The following LUZP2 variants were observed in gnomAD, a reference collection of about 807,000 sequenced individuals.
LUZP2 encodes the protein leucine zipper protein 2.
A neutral mutation model predicts 51.6 loss-of-function variants in LUZP2; 52 were observed. That is an observed-to-expected ratio of 1.01 (90% CI 0.81 to 1.27). LUZP2 has a LOEUF of 1.27. Among genes scored for constraint, LUZP2 ranks in the 50% most tolerant of loss-of-function variants. The probability of loss-of-function intolerance (pLI) is 0.00; values close to 1 mark genes in which losing one functional copy is unlikely to be tolerated. For missense variants in LUZP2, 436 were observed against 395.4 expected, an observed-to-expected ratio of 1.10 and a Z score of -0.87; for synonymous variants, 154 against 137.3, an observed-to-expected ratio of 1.12 and a Z score of -0.85.
At chr11:24,849,234 A>T (rs1226701763) in intron 5 of LUZP2, among the ~76,000 whole-genome samples, 1 of 152,006 alleles carries the variant, frequency 6.6e-6, no homozygotes, top group African/African-American at 2.4e-5. Flanking sequence ...GCACCCATCA[A>T]CCTGTCAAAT....
At chr11:25,061,013 G>A (rs927312030) in intron 10 of LUZP2, among the ~76,000 whole-genome samples, 1 of 152,102 alleles carries the variant, frequency 6.6e-6, no homozygotes, top group East Asian at 1.9e-4. Context: ...TTCATTGTTA[G>A]TGGTGTCTAA....
At chr11:24,781,093 T>G (rs893411443) in intron 5 of LUZP2, among the ~76,000 whole-genome samples, 2 of 152,134 alleles carry the variant, frequency 1.3e-5, no homozygotes, top group Non-Finnish European at 2.9e-5. Flanking sequence ...GTTACTATGT[T>G]CAATCTTTAT....
chr11:24,965,957 A>T (rs1261818559), intron 7 of LUZP2, among the ~76,000 whole-genome samples: 2 of 151,796 alleles, frequency 1.3e-5, no homozygotes, highest in African/African-American at 4.8e-5. Flanking sequence ...AGTGGCAAAG[A>T]TAATGCAATA....
At chr11:24,854,001 C>G (rs1851473597) in intron 5 of LUZP2, among the ~76,000 whole-genome samples, 1 of 152,182 alleles carries the variant, frequency 6.6e-6, no homozygotes, top group Non-Finnish European at 1.5e-5. Context: ...GGCTTTGTCT[C>G]AGAGGACTAC....
intron 5 of LUZP2, among the ~76,000 whole-genome samples, chr11:24,838,543 T>C (rs1850927758): frequency 1.3e-5 from 2 of 151,668 alleles, no homozygotes; most frequent in African/African-American, 4.8e-5. Flanking sequence ...TTGTACGCCG[T>C]GGGAGTAATA....
At chr11:24,970,946 C>T (rs1423463919) in intron 7 of LUZP2, among the ~76,000 whole-genome samples, 2 of 152,124 alleles carry the variant, frequency 1.3e-5, no homozygotes, top group African/African-American at 4.8e-5. Flanking sequence ...TACATATACA[C>T]CACGGAATAG....
intron 1 of LUZP2, among the ~76,000 whole-genome samples, chr11:24,537,718 A>G (rs1851222806): frequency 8.6e-5 from 13 of 151,920 alleles, no homozygotes; most frequent in Admixed American, 7.2e-4. Flanking sequence ...AACTAAAGTG[A>G]AAAGCCTTTT....
At chr11:24,788,954 A>G (rs1849329371) in intron 5 of LUZP2, among the ~76,000 whole-genome samples, 1 of 152,206 alleles carries the variant, frequency 6.6e-6, no homozygotes, top group Non-Finnish European at 1.5e-5. Flanking sequence ...ATGCCCTCAT[A>G]GGAACATCCA....
chr11:24,729,108 T>C, intron 1 of LUZP2, 61 bp from the exon 2 acceptor site: 1 of 750,772 alleles, frequency 1.3e-6, no homozygotes, highest in Non-Finnish European at 2.0e-6. Context: ...GTGTTAGTGA[T>C]TATGACTGAT....
At chr11:24,929,687 T>G (rs911812817) in intron 7 of LUZP2, among the ~76,000 whole-genome samples, 5 of 152,164 alleles carry the variant, frequency 3.3e-5, no homozygotes, top group African/African-American at 1.2e-4. Context: ...ATAGAGTATA[T>G]ATTCTGCAAT....
chr11:25,005,489 G>GA (rs886701374), intron 9 of LUZP2, among the ~76,000 whole-genome samples: 1 of 151,958 alleles, frequency 6.6e-6, no homozygotes, highest in African/African-American at 2.4e-5. Flanking sequence ...CCATGGTGCA[G>GA]AAAAAAATGA....
chr11:24,977,743 A>C (rs1337842558), intron 8 of LUZP2, among the ~76,000 whole-genome samples: 1 of 151,700 alleles, frequency 6.6e-6, no homozygotes, highest in East Asian at 1.9e-4. Context: ...GTATGTATAT[A>C]TACACTATGT....
rs1355675470 is a variant in LUZP2 at position 24,611,543 on chromosome 11, G to A, written c.62+114238G>A. On this transcript the variant is annotated intron_variant, in intron 1 of 11. Transcript: ENST00000336930. This position sits in a 1 kb window ranked among gnomAD's most constrained non-coding sequence, Gnocchi z 4.6. Reference sequence around the variant, plus strand: ...AAAAGATACATTGAGTCAGAGTTTGGCAATTATGGAACTAGGGTGGAAAGG... The same window carrying A: ...AAAAGATACATTGAGTCAGAGTTTGACAATTATGGAACTAGGGTGGAAAGG... Among the ~76,000 whole-genome samples, 2 of 152,084 alleles carry A rather than the reference G, an allele frequency of 1.3e-5. No homozygotes were observed. Among genetic ancestry groups the A allele is most frequent in the African/African-American group, 4.8e-5 (2 of 41,420 alleles).
intron 1 of LUZP2, among the ~76,000 whole-genome samples, chr11:24,724,993 T>C (rs1858418677): frequency 6.6e-6 from 1 of 152,036 alleles, no homozygotes; most frequent in African/African-American, 2.4e-5. Flanking sequence ...TAAATGAGAG[T>C]ATATTTCTGG....
At chr11:24,717,437 A>T (rs1185448250) in intron 1 of LUZP2, among the ~76,000 whole-genome samples, 2 of 140,150 alleles carry the variant, frequency 1.4e-5, no homozygotes, top group African/African-American at 2.7e-5. Context: ...GAGACGGAGT[A>T]TTGCCTTGTC....
At chr11:24,640,888 C>T (rs1300155644) in intron 1 of LUZP2, among the ~76,000 whole-genome samples, 1 of 151,432 alleles carries the variant, frequency 6.6e-6, no homozygotes, top group Admixed American at 6.6e-5. Context: ...AAGTGTACTG[C>T]TTGTCCTAAG....
At chr11:24,561,394 G>A (rs1412417470) in intron 1 of LUZP2, among the ~76,000 whole-genome samples, 1 of 151,882 alleles carries the variant, frequency 6.6e-6, no homozygotes, top group African/African-American at 2.4e-5. Context: ...TATGAAATTG[G>A]TATTAGAATC....
intron 10 of LUZP2, among the ~76,000 whole-genome samples, chr11:25,058,193 A>G (rs566077287): frequency 6.6e-6 from 1 of 151,996 alleles, no homozygotes; most frequent in Non-Finnish European, 1.5e-5. Flanking sequence ...AATCCCTCCA[A>G]ATAGTGTAGG....
intron 9 of LUZP2, among the ~76,000 whole-genome samples, chr11:25,047,987 A>G (rs1271320928): frequency 7.4e-6 from 1 of 135,942 alleles, no homozygotes. Context: ...TTAAAAAAAA[A>G]ATTGTAGCGA....
Sources: gnomAD v4.1 joint callset for allele counts (sites outside exome capture counted in the v4.1 genomes callset) on GRCh38, gnomAD v4.1.1 for gene constraint, Gnocchi (gnomAD v3.1) non-coding constraint, MANE v1.5 for transcripts, NCBI Gene and HGNC (gene_info 2026-07-23, HGNC 2026-07-21) for gene names.